CSRP3: variants seen among roughly 807,000 people sequenced by gnomAD.
CSRP3 encodes the protein cysteine and glycine-rich protein 3.
In CSRP3, 24 loss-of-function variants were observed where a neutral mutation model predicts 24.3. The observed-to-expected ratio is 0.99, with a 90% CI of 0.71 to 1.39. CSRP3 has a LOEUF of 1.39. Among genes scored for constraint, CSRP3 ranks in the 40% most tolerant of loss-of-function variants. The probability of loss-of-function intolerance (pLI) is 0.00; values close to 1 mark genes in which losing one functional copy is unlikely to be tolerated. For synonymous variants in CSRP3, 105 were observed against 94.0 expected (o/e 1.12, Z -0.68); for missense variants, 240 against 249.0 (o/e 0.96, Z 0.24).
chr11:19,196,058 A>G (rs1391062499), intron 1 of CSRP3, among the ~76,000 whole-genome samples: 1 of 152,102 alleles, frequency 6.6e-6, no homozygotes, highest in African/African-American at 2.4e-5. Flanking sequence ...AGGTCAAGAG[A>G]TCAAGAACAT....
rs572519784 is a variant in CSRP3, at chr11:19,194,140, G to T, written c.-28-1664C>A. Among the ~76,000 whole-genome samples, 6 of 152,232 alleles carry T rather than the reference G, an allele frequency of 3.9e-5. No homozygotes were observed. The East Asian group carries it at 1.2e-3, about 30-fold the overall frequency. ...ACACTAAGCCCTCCTGGGTCAACTG[G>T]TCCGGATTGTATCTCACAGTCTCAT... On this transcript the variant is annotated intron_variant, in intron 1 of 5. Coordinates refer to ENST00000265968, the MANE Select transcript of CSRP3 (RefSeq NM_003476.5).
chr11:19,190,171 C>T (rs1200676748), intron 2 of CSRP3, among the ~76,000 whole-genome samples: 4 of 152,266 alleles, frequency 2.6e-5, no homozygotes, highest in African/African-American at 4.8e-5. Flanking sequence ...TGCAGAGCCA[C>T]GGCTTACCTC....
At chr11:19,186,401 G>C (rs1850527530) in intron 3 of CSRP3, 53 bp from the exon 4 acceptor site, 2 of 1,612,198 alleles carry the variant, frequency 1.2e-6, no homozygotes, top group South Asian at 1.1e-5. Context: ...GCAAAGAGTA[G>C]AAGAGCTGTG....
At chr11:19,196,066 C>G (rs1413962580) in intron 1 of CSRP3, among the ~76,000 whole-genome samples, 1 of 152,156 alleles carries the variant, frequency 6.6e-6, no homozygotes, top group Non-Finnish European at 1.5e-5. Context: ...AGATCAAGAA[C>G]ATCCTGGCCA....
intron 1 of CSRP3, among the ~76,000 whole-genome samples, chr11:19,195,537 C>T (rs965500865): frequency 6.6e-6 from 1 of 152,140 alleles, no homozygotes; most frequent in South Asian, 2.1e-4. Flanking sequence ...AACATGGCAG[C>T]GACACTTGTA....
At chr11:19,191,809 GT>G (rs1222250982) in intron 2 of CSRP3, among the ~76,000 whole-genome samples, 1 of 152,134 alleles carries the variant, frequency 6.6e-6, no homozygotes, top group Non-Finnish European at 1.5e-5. Flanking sequence ...CTTTCATGCA[GT>G]TACTGGTGCC....
intron 1 of CSRP3, among the ~76,000 whole-genome samples, chr11:19,195,280 T>A (rs1850682039): frequency 6.6e-6 from 1 of 152,090 alleles, no homozygotes; most frequent in Non-Finnish European, 1.5e-5. Context: ...AACTACAGAC[T>A]TTCAGGGCTG....
At chr11:19,196,758 T>A (rs1590108096) in intron 1 of CSRP3, 1 of 152,280 alleles carries the variant, frequency 6.6e-6, no homozygotes, top group East Asian at 1.9e-4. Flanking sequence ...CTGGCACGAC[T>A]CTCTGGGCCA....
chr11:19,187,333 C>T (rs1010183899), intron 3 of CSRP3, among the ~76,000 whole-genome samples: 9 of 152,232 alleles, frequency 5.9e-5, no homozygotes, highest in Admixed American at 4.6e-4. Context: ...GCTGATTCCT[C>T]AGATGGCTGA....
intron 1 of CSRP3, among the ~76,000 whole-genome samples, 178 bp from the exon 2 acceptor site, chr11:19,192,654 G>C (rs1850635508): frequency 6.6e-6 from 1 of 152,150 alleles, no homozygotes. Context: ...CAGACACTTA[G>C]ATGGCTTTGG....
rs80289248 is a variant in CSRP3 at position 19,188,677 on chromosome 11, G to A, written c.113-373C>T. Reference sequence around the variant, plus strand: ...TTGTGGGCGCGCGCGTTGGCAGGGGGTGGGTTAAGGCAGGAGAGAAACTTA... The same window carrying A: ...TTGTGGGCGCGCGCGTTGGCAGGGGATGGGTTAAGGCAGGAGAGAAACTTA... On this transcript the variant is annotated intron_variant, in intron 2 of 5. Coordinates refer to ENST00000265968, the MANE Select transcript of CSRP3 (RefSeq NM_003476.5). 4.6e-5 allele frequency among the ~76,000 whole-genome samples: 7 copies of A among 151,310 alleles called. No homozygotes were observed. The East Asian group carries it at 5.8e-4, about 13-fold the overall frequency.
intron 1 of CSRP3, among the ~76,000 whole-genome samples, chr11:19,197,811 G>T (rs1850766758): frequency 1.8e-5 from 1 of 56,100 alleles, no homozygotes; most frequent in Admixed American, 2.8e-4. Flanking sequence ...AAAGATTTTG[G>T]ATCATAGGAA....
chr11:19,199,072 G>A (rs942149480), intron 1 of CSRP3, among the ~76,000 whole-genome samples: 1 of 152,210 alleles, frequency 6.6e-6, no homozygotes, highest in Admixed American at 6.5e-5. Flanking sequence ...CTGTGAATCA[G>A]CTTTGTTTTT....
At chr11:19,187,815 A>G (rs560670181) in intron 3 of CSRP3, among the ~76,000 whole-genome samples, 27 of 152,342 alleles carry the variant, frequency 1.8e-4, no homozygotes, top group African/African-American at 6.3e-4. Context: ...AGAAACTCTC[A>G]ACGGGGAAGA....
intron 2 of CSRP3, among the ~76,000 whole-genome samples, chr11:19,191,780 C>T (rs939468350): frequency 4.6e-5 from 7 of 152,250 alleles, no homozygotes; most frequent in African/African-American, 7.2e-5. Context: ...CAGTGTCTGG[C>T]GGGTAATGGT....
chr11:19,187,763 A>C (rs1453296086), intron 3 of CSRP3, among the ~76,000 whole-genome samples: 5 of 152,224 alleles, frequency 3.3e-5, no homozygotes, highest in Admixed American at 6.5e-5. Context: ...AGGCACACAA[A>C]GAATGGCCAT....
intron 1 of CSRP3, among the ~76,000 whole-genome samples, chr11:19,198,426 A>C (rs1253842348): frequency 1.3e-5 from 2 of 152,248 alleles, no homozygotes; most frequent in East Asian, 3.8e-4. Context: ...AACTGAATTC[A>C]TTCACTGAAA....
intron 1 of CSRP3, among the ~76,000 whole-genome samples, chr11:19,199,670 T>C (rs1414298326): frequency 1.3e-5 from 2 of 152,204 alleles, no homozygotes; most frequent in Non-Finnish European, 2.9e-5. Context: ...TTGTGACCCT[T>C]AAATAAGCTA....
In CSRP3 at chr11:19,195,936, G is replaced by A. The variant is rs148330773; in HGVS notation, c.-28-3460C>T. Among the ~76,000 whole-genome samples the A allele has an allele frequency of 3.9e-5, 6 of 152,268 alleles. No individual in the cohort carries two copies. In the East Asian group the frequency reaches 1.2e-3, roughly 29 times the overall value. On this transcript the variant is annotated intron_variant, in intron 1 of 5. Coordinates refer to ENST00000265968, the MANE Select transcript of CSRP3 (RefSeq NM_003476.5). Reference sequence around the variant, plus strand: ...ATGTAACCATGGAGGCTAAACAGAAGATGTCTCACAGGCCAAAAGGTAGAG... The same window carrying A: ...ATGTAACCATGGAGGCTAAACAGAAAATGTCTCACAGGCCAAAAGGTAGAG...
Sources: allele counts gnomAD v4.1 joint callset (sites outside exome capture counted in the v4.1 genomes callset), GRCh38; gene constraint gnomAD v4.1.1; transcripts MANE v1.5; gene names NCBI Gene and HGNC (gene_info 2026-07-23, HGNC 2026-07-21).